ZNF274: variants seen among roughly 807,000 people sequenced by gnomAD.
ZNF274 encodes the protein zinc finger protein 274.
Under a neutral mutation model 42.5 loss-of-function variants are expected in ZNF274, and 23 were observed. That is an observed-to-expected ratio of 0.54 (90% confidence interval 0.39 to 0.77). The LOEUF is 0.77. ZNF274 is among the 30% of genes least tolerant of loss of function. ZNF274 has a pLI of 0.00. For missense variants in ZNF274, 679 were observed against 806.5 expected (o/e 0.84, Z 1.91); for synonymous variants, 292 against 305.4 (o/e 0.96, Z 0.46).
intron 3 of ZNF274, among the ~76,000 whole-genome samples, chr19:58,186,571 T>C (rs1027183096): frequency 1.4e-5 from 2 of 146,120 alleles, no homozygotes; most frequent in Non-Finnish European, 3.0e-5. Flanking sequence ...CTTCAAACTC[T>C]GGTTATTGTG....
chr19:58,197,070 T>C (rs982337413), intron 4 of ZNF274, among the ~76,000 whole-genome samples: 1 of 152,196 alleles, frequency 6.6e-6, no homozygotes, highest in Non-Finnish European at 1.5e-5. Context: ...ATATAATTGC[T>C]GTGGGAAAGG....
At chr19:58,206,007 A>G (rs2075975412) in intron 4 of ZNF274, among the ~76,000 whole-genome samples, 1 of 152,238 alleles carries the variant, frequency 6.6e-6, no homozygotes, top group Non-Finnish European at 1.5e-5. Context: ...ACAGGGTTGT[A>G]CAGCTGTCAC....
chr19:58,185,432 A>T (rs1478923988), intron 2 of ZNF274: 1 of 154,110 alleles, frequency 6.5e-6, no homozygotes, highest in Admixed American at 6.5e-5. Flanking sequence ...AAAACAATAA[A>T]TAAATAAATT....
intron 4 of ZNF274, among the ~76,000 whole-genome samples, chr19:58,205,674 A>C (rs1024882951): frequency 6.6e-6 from 1 of 151,976 alleles, no homozygotes; most frequent in Non-Finnish European, 1.5e-5. Context: ...AGTTTTAGAG[A>C]GCTTTCTTGT....
At chr19:58,184,090 C>T (rs1367534374) in intron 2 of ZNF274, 92 bp downstream of exon 2, 5 of 1,413,508 alleles carry the variant, frequency 3.5e-6, no homozygotes, top group Non-Finnish European at 4.9e-6. Context: ...GAGATACCCC[C>T]ATCCTCCAGA....
chr19:58,197,926 G>A (rs980411550), intron 4 of ZNF274, among the ~76,000 whole-genome samples: 3 of 152,090 alleles, frequency 2.0e-5, no homozygotes, highest in Admixed American at 6.6e-5. Flanking sequence ...TGTGTAAATC[G>A]TGATCCTCTT....
intron 2 of ZNF274, among the ~76,000 whole-genome samples, chr19:58,185,279 C>T (rs1436277414): frequency 6.6e-6 from 1 of 151,584 alleles, no homozygotes; most frequent in Non-Finnish European, 1.5e-5. Context: ...CAAAAATTAG[C>T]CGGGCATGGT....
Position 58,212,805 on chromosome 19 carries a change from A to T in ZNF274, c.1624A>T (p.Lys542Ter). ...GCCCTATGTGTGTCAAGACTGTGGG[A>T]AAGGATTTGTTCAGAGCTCTTCCCT... Reference protein sequence around the residue: ...ERPYVCQDCGKGFVQSSSLTQ... With the variant: ...ERPYVCQDCG The change falls in exon 8 of 8, where the codon AAA (lysine) becomes TAA (stop). Residue 542 changes from lysine (K) to a stop codon, truncating the protein, a stop_gained. Transcript: ENST00000617501. LOFTEE classifies it high-confidence loss of function. The surrounding 1 kb of genome is among the most constrained non-coding windows in gnomAD (Gnocchi z 4.6). The T allele has an allele frequency of 6.2e-7, 1 of 1,614,024 alleles. No individual in the cohort carries two copies. Among genetic ancestry groups the T allele is most frequent in the Non-Finnish European group, 8.5e-7 (1 of 1,179,902 alleles).
intron 4 of ZNF274, among the ~76,000 whole-genome samples, chr19:58,189,706 C>G (rs977831753): frequency 1.3e-5 from 2 of 152,136 alleles, no homozygotes; most frequent in African/African-American, 4.8e-5. Flanking sequence ...TTGAGAAAAT[C>G]TTGTTGGGAT....
chr19:58,204,969 C>T (rs910263121), intron 4 of ZNF274, among the ~76,000 whole-genome samples: 3 of 152,148 alleles, frequency 2.0e-5, no homozygotes, highest in Non-Finnish European at 4.4e-5. Context: ...ACCCTATTGG[C>T]TTGGCGGGGA....
At chr19:58,188,916 CGTAGA>C (rs2075746300) in intron 4 of ZNF274, among the ~76,000 whole-genome samples, 1 of 151,128 alleles carries the variant, frequency 6.6e-6, no homozygotes. Flanking sequence ...CTTCAGCCTA[CGTAGA>C]GTTGGCTGAA....
At chr19:58,186,908 A>T (rs1227932683) in intron 3 of ZNF274, 39 bp from the exon 4 acceptor site, 1 of 1,575,064 alleles carries the variant, frequency 6.3e-7, no homozygotes, top group East Asian at 2.3e-5. Context: ...TCTCCTGAAC[A>T]CAGACCCCCA....
At position 58,211,697 on chromosome 19, in the gene ZNF274, G is replaced by GC. The variant is rs2076042441; in HGVS notation, c.979+16dup. On this transcript the variant is annotated intron_variant, in intron 7 of 7. Coordinates refer to ENST00000617501, the MANE Select transcript of ZNF274 (RefSeq NM_133502.3). The surrounding 1 kb of genome is among the most constrained non-coding windows in gnomAD (Gnocchi z 4.8). ...ACCTGGTCTCTGTGGGTAAGGCTGT[G>GC]CCCCCTCTTCACCCACCTCAGGGCT... 1 of 1,606,646 alleles carries GC rather than the reference G, an allele frequency of 6.2e-7. No homozygotes were observed. Among genetic ancestry groups the GC allele is most frequent in the African/African-American group, 1.3e-5 (1 of 74,884 alleles).
At chr19:58,188,576 C>A (rs1414370038) in intron 4 of ZNF274, among the ~76,000 whole-genome samples, 1 of 141,144 alleles carries the variant, frequency 7.1e-6, no homozygotes, top group African/African-American at 2.7e-5. Flanking sequence ...AGAGATCATG[C>A]CACTGCGTGA....
intron 4 of ZNF274, among the ~76,000 whole-genome samples, chr19:58,188,712 A>ATG: frequency 1.6e-5 from 2 of 124,088 alleles, no homozygotes; most frequent in Non-Finnish European, 3.4e-5. Context: ...ATATATATAT[A>ATG]TATATATATA....
rs940009127 is a variant in ZNF274 at position 58,185,739 on chromosome 19, C to G, written c.61C>G (p.Leu21Val). Residue 21 changes from leucine (L) to valine (V), a missense_variant, in exon 3 of 8, where the codon CTG (leucine) becomes GTG (valine). Transcript: ENST00000617501. ...CEPVTFEDVT[L>V]GFTPEEWGLL... ...ACCAGTGACCTTTGAAGATGTAACA[C>G]TGGGTTTTACCCCGGAAGAGTGGGG... 5 of 1,467,514 alleles carry G rather than the reference C, an allele frequency of 3.4e-6. No individual in the cohort carries two copies. The highest frequency in any genetic ancestry group is 4.5e-6 in the Non-Finnish European group (5 of 1,104,266). The allele number at this position is 1,467,514 out of a possible 1,614,324, so 90.9% of individuals were successfully genotyped here.
chr19:58,205,837 C>T (rs755109272), intron 4 of ZNF274, among the ~76,000 whole-genome samples: 1 of 152,170 alleles, frequency 6.6e-6, no homozygotes, highest in Non-Finnish European at 1.5e-5. Context: ...GGAGAAGGTT[C>T]TTTTTCCTGT....
chr19:58,206,751 G>A lies in ZNF274; in HGVS notation c.288G>A (p.Leu96=), dbSNP rs2075982144. ...EYPELQLDPK[L]DPLPAESPLM... is the part of the protein sequence containing the mutation. ...CTGAGCTCCAGCTGGACCCTAAATT[G>A]GATCCTCTTCCTGCTGAGAGTCCCC... Residue 96 remains leucine (L), a synonymous_variant, in exon 5 of 8, where the codon TTG becomes TTA. Transcript: ENST00000617501. The A allele has an allele frequency of 6.2e-7, 1 of 1,601,384 alleles. No individual in the cohort carries two copies. Among genetic ancestry groups the A allele is most frequent in the East Asian group, 2.3e-5 (1 of 44,356 alleles).
chr19:58,189,566 G>A (rs918020081), intron 4 of ZNF274, among the ~76,000 whole-genome samples: 1 of 152,000 alleles, frequency 6.6e-6, no homozygotes, highest in African/African-American at 2.4e-5. Context: ...CTGTCTCTGA[G>A]TAAATGCCAT....
Sources: allele counts gnomAD v4.1 joint callset (sites outside exome capture counted in the v4.1 genomes callset), GRCh38; gene constraint gnomAD v4.1.1; non-coding constraint Gnocchi (gnomAD v3.1); transcripts MANE v1.5; gene names NCBI Gene and HGNC (gene_info 2026-07-23, HGNC 2026-07-21).